The following DLC1 variants were observed in gnomAD, a reference collection of about 807,000 sequenced individuals.
DLC1 encodes the protein DLC1 Rho GTPase activating protein.
DLC1 carries 54 observed loss-of-function variants against 140.3 expected under a neutral mutation model. The ratio of observed to expected loss-of-function variants is 0.38; its 90% CI spans 0.31 to 0.48. The LOEUF (loss-of-function observed/expected upper bound fraction) is 0.48. Among genes scored for constraint, DLC1 ranks in the 20% least tolerant of loss-of-function variants. DLC1 has a pLI of 0.96. For missense variants in DLC1, 2,536 were observed against 1,907.0 expected, an observed-to-expected ratio of 1.33 and a Z score of -6.14; for synonymous variants, 986 against 728.1, an observed-to-expected ratio of 1.35 and a Z score of -5.70.
intron 5 of DLC1, among the ~76,000 whole-genome samples, chr8:13,278,049 G>A (rs76729004): frequency 0.013 from 2,003 of 152,266 alleles, 17 homozygotes; most frequent in South Asian, 0.037. Context: ...TTAATAACCC[G>A]TATGTCCTAA....
At chr8:13,127,304 G>T (rs921316589) in intron 5 of DLC1, among the ~76,000 whole-genome samples, 1 of 152,160 alleles carries the variant, frequency 6.6e-6, no homozygotes, top group African/African-American at 2.4e-5. Flanking sequence ...GGGGTCTGAG[G>T]TTCCAGTCAA....
intron 4 of DLC1, among the ~76,000 whole-genome samples, chr8:13,380,565 T>C (rs1426331620): frequency 6.6e-6 from 1 of 152,220 alleles, no homozygotes; most frequent in African/African-American, 2.4e-5. Flanking sequence ...CATTTAAATA[T>C]AGTATTAATG....
intron 3 of DLC1, 62 bp from the exon 4 acceptor site, chr8:13,393,755 C>T: frequency 1.3e-6 from 2 of 1,559,238 alleles, no homozygotes; most frequent in South Asian, 2.5e-5. Context: ...GCCCTTCTTC[C>T]TACCACCAGA....
intron 5 of DLC1, among the ~76,000 whole-genome samples, chr8:13,158,198 C>A (rs1824401150): frequency 6.6e-6 from 1 of 152,210 alleles, no homozygotes; most frequent in South Asian, 2.1e-4. Flanking sequence ...CCCGCCCAAT[C>A]ACCCCATATC....
intron 2 of DLC1, among the ~76,000 whole-genome samples, chr8:13,456,457 T>A (rs536716685): frequency 1.7e-4 from 26 of 152,182 alleles, no homozygotes; most frequent in Middle Eastern, 6.8e-3. Flanking sequence ...TTTTTTATTT[T>A]TTTTTTTATT....
In DLC1 at chr8:13,475,088, C is replaced by T. The variant is rs143785047; in HGVS notation, c.1023+23961G>A. Among the ~76,000 whole-genome samples, 519 of 151,376 alleles carry T rather than the reference C, an allele frequency of 3.4e-3. 2 individuals carry two copies. The highest frequency in any genetic ancestry group is 0.012 in the African/African-American group (506 of 41,042). On this transcript the variant is annotated intron_variant, in intron 2 of 17. Transcript: ENST00000276297. ...TCAGCCTCCCTAAGTGCCAGGATTA[C>T]AGCTGTGAGCCACTGCATCCAGCAA...
intron 5 of DLC1, among the ~76,000 whole-genome samples, chr8:13,128,662 T>A (rs1007542266): frequency 1.3e-5 from 2 of 151,946 alleles, no homozygotes; most frequent in East Asian, 3.9e-4. Context: ...GAAACCCTGT[T>A]TCTACTAAAA....
intron 2 of DLC1, among the ~76,000 whole-genome samples, chr8:13,469,611 T>C (rs1442053550): frequency 5.3e-5 from 8 of 152,208 alleles, no homozygotes; most frequent in Non-Finnish European, 1.2e-4. Flanking sequence ...ATGATAGATA[T>C]GTTGTATAAT....
At chr8:13,170,283 A>G (rs1459655415) in intron 5 of DLC1, among the ~76,000 whole-genome samples, 1 of 152,202 alleles carries the variant, frequency 6.6e-6, no homozygotes, top group Non-Finnish European at 1.5e-5. Context: ...AGTAATTACA[A>G]TAGAACTCTT....
intron 5 of DLC1, among the ~76,000 whole-genome samples, chr8:13,183,539 T>G (rs898049814): frequency 8.5e-5 from 13 of 152,218 alleles, no homozygotes; most frequent in African/African-American, 2.9e-4. Flanking sequence ...CTGTTGAATT[T>G]TGTTGAAGGC....
upstream of DLC1, among the ~76,000 whole-genome samples, chr8:13,518,889 A>G (rs1802677767): frequency 6.6e-6 from 1 of 152,180 alleles, no homozygotes; most frequent in Non-Finnish European, 1.5e-5. Context: ...ACTGTATTGG[A>G]AACAATAAAA....
At chr8:13,222,645 T>G (rs1474708662) in intron 5 of DLC1, among the ~76,000 whole-genome samples, 1 of 152,192 alleles carries the variant, frequency 6.6e-6, no homozygotes, top group Non-Finnish European at 1.5e-5. Flanking sequence ...GCTGCTTATT[T>G]TCATGTGATA....
Position 13,094,957 on chromosome 8 carries a change from C to A in DLC1, c.3328G>T (p.Val1110Phe). ...ACCCCCGATTTTCTGAAGAGCCCAA[C>A]CTGTCGGAAGAGCAACACTAAGTGT... ...RYLRNHCLDQ[V>F]GLFRKSGVKS... The change falls in exon 12 of 18, where the codon GTT becomes TTT. Residue 1110 changes from valine to phenylalanine, a missense_variant and splice_region_variant. Coordinates refer to ENST00000276297, the MANE Select transcript of DLC1 (RefSeq NM_182643.3). 6.2e-7 allele frequency: 1 copy of A among 1,614,162 alleles called. No homozygotes were observed.
At chr8:13,093,763 C>A (rs1375609889) in intron 12 of DLC1, among the ~76,000 whole-genome samples, 1 of 152,144 alleles carries the variant, frequency 6.6e-6, no homozygotes, top group Non-Finnish European at 1.5e-5. Context: ...CTCCATTTCT[C>A]ATAAAATAAA....
chr8:13,506,581 G>GTGTGTGTGTGTGTATATATATATATA (rs1246764417), intron 1 of DLC1, among the ~76,000 whole-genome samples: 2 of 131,144 alleles, frequency 1.5e-5, no homozygotes, highest in South Asian at 5.1e-4. Context: ...GTGTGTGTGT[G>GTGTGTGTGTGTGTATATATATATATA]TATATATATA....
At chr8:13,352,781 G>C (rs1834736166) in intron 4 of DLC1, among the ~76,000 whole-genome samples, 1 of 152,126 alleles carries the variant, frequency 6.6e-6, no homozygotes, top group African/African-American at 2.4e-5. Context: ...TTAAGCAACT[G>C]TGAGAACAGT....
chr8:13,141,486 C>T (rs1434168380), intron 5 of DLC1, among the ~76,000 whole-genome samples: 1 of 152,084 alleles, frequency 6.6e-6, no homozygotes. Flanking sequence ...TTCACCTTGT[C>T]AGTAAAAAAG....
intron 5 of DLC1, among the ~76,000 whole-genome samples, chr8:13,264,433 A>G (rs138964762): frequency 0.011 from 1,738 of 152,306 alleles, 12 homozygotes; most frequent in South Asian, 0.038. Flanking sequence ...CTGAGCAAAG[A>G]CAGCTGCAGA....
At chr8:13,125,605 A>G (rs1821484245) in intron 5 of DLC1, among the ~76,000 whole-genome samples, 1 of 152,112 alleles carries the variant, frequency 6.6e-6, no homozygotes, top group African/African-American at 2.4e-5. Context: ...GGCTAAAGCT[A>G]CCCAGCTCTC....
Sources: gnomAD v4.1 joint callset for allele counts (sites outside exome capture counted in the v4.1 genomes callset) on GRCh38, gnomAD v4.1.1 for gene constraint, MANE v1.5 for transcripts, NCBI Gene and HGNC (gene_info 2026-07-23, HGNC 2026-07-21) for gene names.